Variants in SGCD observed in about 807,000 individuals in gnomAD.
SGCD encodes delta-sarcoglycan.
Under a neutral mutation model 36.6 loss-of-function variants are expected in SGCD, and 18 were observed. The ratio of observed to expected loss-of-function variants is 0.49; its 90% CI spans 0.34 to 0.73. SGCD has a LOEUF of 0.73. SGCD is among the 30% of genes least tolerant of loss of function. SGCD has a pLI of 0.01. For missense variants in SGCD, 387 were observed against 346.7 expected (o/e 1.12, Z -0.92); for synonymous variants, 133 against 130.6 (o/e 1.02, Z -0.12).
chr5:156,456,294 G>A (rs1409074680), intron 3 of SGCD, among the ~76,000 whole-genome samples: 4 of 152,180 alleles, frequency 2.6e-5, no homozygotes, highest in Non-Finnish European at 5.9e-5. Context: ...CTCAGAAAGA[G>A]AGGAGAGCTG....
At chr5:155,930,958 G>C (rs940492290) in intron 1 of SGCD, among the ~76,000 whole-genome samples, 1 of 152,066 alleles carries the variant, frequency 6.6e-6, no homozygotes, top group East Asian at 1.9e-4. Context: ...ATATAATCTT[G>C]TTTTGAAGTT....
upstream of SGCD, among the ~76,000 whole-genome samples, chr5:155,868,894 C>T (rs548741566): frequency 6.6e-6 from 1 of 152,178 alleles, no homozygotes; most frequent in South Asian, 2.1e-4. Context: ...AGTGGCCCTT[C>T]CCTGAAATAG....
intron 3 of SGCD, among the ~76,000 whole-genome samples, chr5:156,320,127 G>A (rs1244634568): frequency 2.0e-5 from 3 of 151,846 alleles, no homozygotes; most frequent in Non-Finnish European, 2.9e-5. Context: ...GTGTGTGTGT[G>A]TGTGTGTACA....
rs113686158 is a variant in SGCD, at chr5:156,428,019, G to A, written c.193-80582G>A. On this transcript the variant is annotated intron_variant, in intron 3 of 8. Coordinates refer to ENST00000337851, the MANE Select transcript of SGCD (RefSeq NM_000337.6). Reference sequence around the variant, plus strand: ...TTTCTTTTTGGTTATGTCCTTTCCTGGTTTTAATTTTAAGGTGATGCTGGC... The same window carrying A: ...TTTCTTTTTGGTTATGTCCTTTCCTAGTTTTAATTTTAAGGTGATGCTGGC... 7.0e-4 allele frequency among the ~76,000 whole-genome samples: 106 copies of A among 152,110 alleles called. No individual in the cohort carries two copies. The Middle Eastern group carries it at 0.01, about 15-fold the overall frequency.
chr5:155,967,936 A>T (rs1757935461), intron 1 of SGCD, among the ~76,000 whole-genome samples: 1 of 152,048 alleles, frequency 6.6e-6, no homozygotes, highest in Non-Finnish European at 1.5e-5. Flanking sequence ...TTCTTCCTTC[A>T]ATACATTTCA....
At chr5:156,225,155 G>C (rs1764819355) in intron 3 of SGCD, among the ~76,000 whole-genome samples, 1 of 151,988 alleles carries the variant, frequency 6.6e-6, no homozygotes, top group Non-Finnish European at 1.5e-5. Flanking sequence ...GGTGTCAGAG[G>C]GCCCCTGCTC....
chr5:156,538,534 G>T (rs1379649649), intron 4 of SGCD, among the ~76,000 whole-genome samples: 2 of 151,898 alleles, frequency 1.3e-5, no homozygotes, highest in Admixed American at 1.3e-4. Flanking sequence ...TACAGAGCAG[G>T]TATTTAGCAA....
the SGCD span, among the ~76,000 whole-genome samples, chr5:155,764,939 T>A: frequency 6.6e-6 from 1 of 152,184 alleles, no homozygotes; most frequent in Non-Finnish European, 1.5e-5. Context: ...CCATCTTTTC[T>A]TTAAAGTTTT....
chr5:156,200,958 C>T (rs1160035621), intron 3 of SGCD, among the ~76,000 whole-genome samples: 4 of 152,046 alleles, frequency 2.6e-5, no homozygotes, highest in African/African-American at 9.7e-5. Flanking sequence ...GGATGAACGT[C>T]GAGGACATTA....
chr5:156,498,935 CGTGTGTGTGT>C (rs71577198), intron 3 of SGCD, among the ~76,000 whole-genome samples: 1 of 149,322 alleles, frequency 6.7e-6, no homozygotes, highest in Non-Finnish European at 1.5e-5. Context: ...ATGTGTGCTA[CGTGTGTGTGT>C]GTGTGTGTGT....
rs142186035 is a variant in SGCD, at chr5:156,120,788, T to C, written c.-208+2837T>C. On this transcript the variant is annotated intron_variant, in intron 2 of 9. Transcript: ENST00000517913. ...AAAGAAAGATGCATTTGGATAGACTTGAGACTAGAATTATCAAAGCAGTCA... is the reference window on the plus strand; with the variant it reads ...AAAGAAAGATGCATTTGGATAGACTCGAGACTAGAATTATCAAAGCAGTCA... Among the ~76,000 whole-genome samples the C allele has an allele frequency of 2.8e-4, 43 of 152,224 alleles. 1 individual carries two copies. In the East Asian group the frequency reaches 8.3e-3, roughly 29 times the overall value.
the SGCD span, among the ~76,000 whole-genome samples, chr5:155,767,462 C>A: frequency 3.3e-5 from 5 of 152,148 alleles, no homozygotes; most frequent in Admixed American, 2.0e-4. Flanking sequence ...TTCTGCTTAC[C>A]GATAATATGC....
intron 3 of SGCD, among the ~76,000 whole-genome samples, chr5:156,382,341 C>T (rs778231486): frequency 6.6e-6 from 1 of 152,108 alleles, no homozygotes; most frequent in Non-Finnish European, 1.5e-5. Context: ...TGTAGAAGCT[C>T]ACTCATGTTA....
the SGCD span, among the ~76,000 whole-genome samples, chr5:155,803,625 T>C: frequency 6.6e-6 from 1 of 152,148 alleles, no homozygotes; most frequent in Non-Finnish European, 1.5e-5. Context: ...GCAGGCAAAC[T>C]CTGTCATATA....
At chr5:156,217,959 A>G (rs912640558) in intron 3 of SGCD, among the ~76,000 whole-genome samples, 1 of 152,306 alleles carries the variant, frequency 6.6e-6, no homozygotes, top group African/African-American at 2.4e-5. Flanking sequence ...TATAATTTTA[A>G]TAACAGCCTT....
intron 3 of SGCD, among the ~76,000 whole-genome samples, chr5:156,143,747 TA>T (rs1187758572): frequency 1.3e-5 from 2 of 152,132 alleles, no homozygotes; most frequent in African/African-American, 4.8e-5. Flanking sequence ...ATTTTTTTTT[TA>T]AATTATACTC....
chr5:156,344,227 C>T (rs1240356867), intron 2 of SGCD, among the ~76,000 whole-genome samples: 2 of 152,092 alleles, frequency 1.3e-5, no homozygotes, highest in African/African-American at 2.4e-5. Flanking sequence ...CCTAGGAGTC[C>T]CTTTCCACCC....
At chr5:156,677,749 T>C (rs1373454954) in intron 7 of SGCD, among the ~76,000 whole-genome samples, 1 of 152,162 alleles carries the variant, frequency 6.6e-6, no homozygotes. Flanking sequence ...GCCCATATTC[T>C]TCTTGCTAAA....
intron 1 of SGCD, among the ~76,000 whole-genome samples, chr5:155,903,279 G>T (rs939548869): frequency 6.6e-6 from 1 of 151,984 alleles, no homozygotes; most frequent in African/African-American, 2.4e-5. Context: ...TGACAACTGG[G>T]TTATTTCTTC....
Sources: allele counts gnomAD v4.1 joint callset (sites outside exome capture counted in the v4.1 genomes callset), GRCh38; gene constraint gnomAD v4.1.1; transcripts MANE v1.5; gene names NCBI Gene and HGNC (gene_info 2026-07-23, HGNC 2026-07-21).